KLF16: variants seen among roughly 807,000 people sequenced by gnomAD.
KLF16 encodes Krueppel-like factor 16.
Under a neutral mutation model 6.1 loss-of-function variants are expected in KLF16, and 6 were observed. The ratio of observed to expected loss-of-function variants is 0.98; its 90% CI spans 0.54 to 1.93. The LOEUF is 1.93. Ranked by LOEUF, KLF16 falls within the 30% of genes most tolerant of loss-of-function variation. The pLI is 0.01. For missense variants in KLF16, 355 were observed against 363.8 expected (o/e 0.98, Z 0.20); for synonymous variants, 211 against 176.5 (o/e 1.20, Z -1.55).
chr19:1,867,678 C>T (rs1396715574), upstream of KLF16, among the ~76,000 whole-genome samples: 4 of 151,912 alleles, frequency 2.6e-5, no homozygotes, highest in African/African-American at 7.3e-5. Flanking sequence ...ACAGCCTGGT[C>T]GACATGATGA....
At chr19:1,856,380 T>C (rs1020133238) in intron 1 of KLF16, among the ~76,000 whole-genome samples, 2 of 151,920 alleles carry the variant, frequency 1.3e-5, no homozygotes, top group Admixed American at 1.3e-4. Flanking sequence ...TCATCCTTCC[T>C]CCCTGCCACA....
At chr19:1,859,175 A>C (rs765838082) in intron 1 of KLF16, among the ~76,000 whole-genome samples, 15 of 151,556 alleles carry the variant, frequency 9.9e-5, no homozygotes, top group Non-Finnish European at 1.8e-4. Flanking sequence ...TGCCATCCCA[A>C]CCCTACAGGA....
the KLF16 span, among the ~76,000 whole-genome samples, chr19:1,870,177 G>A: frequency 3.3e-5 from 5 of 151,454 alleles, no homozygotes; most frequent in East Asian, 2.0e-4. Flanking sequence ...TGATCTGCCC[G>A]CCTCGGCCTC....
In KLF16 at chr19:1,854,776, G is replaced by A; in HGVS notation, c.458-16C>T. The A allele has an allele frequency of 1.9e-6, 3 of 1,597,020 alleles. No individual in the cohort carries two copies. The highest frequency in any genetic ancestry group is 2.5e-6 in the Non-Finnish European group (3 of 1,179,142). On this transcript the variant is annotated splice_polypyrimidine_tract_variant and intron_variant, in intron 1 of 1. Coordinates refer to ENST00000250916, the MANE Select transcript of KLF16 (RefSeq NM_031918.4). ...GGGCGTTCCCCTGGACGGAGAGACA[G>A]AGACAGACAGCGGGTCAGCGGGGGC...
At chr19:1,856,764 C>T (rs2011957992) in intron 1 of KLF16, among the ~76,000 whole-genome samples, 1 of 152,352 alleles carries the variant, frequency 6.6e-6, no homozygotes, top group Non-Finnish European at 1.5e-5. Context: ...GGCTCGCGCC[C>T]CTCCAGGGAA....
At chr19:1,871,808 G>A in the KLF16 span, among the ~76,000 whole-genome samples, 1 of 152,052 alleles carries the variant, frequency 6.6e-6, no homozygotes, top group Non-Finnish European at 1.5e-5. Flanking sequence ...GCCCCTGCGT[G>A]GGGTCCTGCA....
Position 1,863,408 on chromosome 19 carries a change from G to C in KLF16, c.90C>G (p.Pro30=), listed in dbSNP as rs1379970751. The change falls in exon 1 of 2, where the codon CCC becomes CCG. Residue 30 remains proline, a synonymous_variant. Coordinates refer to ENST00000250916, the MANE Select transcript of KLF16 (RefSeq NM_031918.4). ...CGGCGGGGCCCGCGCCCTCGGGGCCGGGCCGCCCGCGGTGCACCACGGCGC... is the reference window on the plus strand; with the variant it reads ...CGGCGGGGCCCGCGCCCTCGGGGCCCGGCCGCCCGCGGTGCACCACGGCGC... The part of the protein sequence containing the change: ...SSGAVVHRGR[P]GPEGAGPAAG... 2.0e-6 allele frequency: 2 copies of C among 995,200 alleles called. No homozygotes were observed. Among genetic ancestry groups the C allele is most frequent in the Non-Finnish European group, 2.4e-6 (2 of 838,296 alleles). The allele number at this position is 995,200 out of a possible 1,614,324, so 61.6% of individuals were successfully genotyped here.
chr19:1,854,914 G>A lies in KLF16; in HGVS notation c.458-154C>T, dbSNP rs115945197. Reference sequence around the variant, plus strand: ...AGTTCAAAACATGGAGAAGCACAAAGAATACAACCCTTACCCGCCCCCCGG... The same window carrying A: ...AGTTCAAAACATGGAGAAGCACAAAAAATACAACCCTTACCCGCCCCCCGG... On this transcript the variant is annotated intron_variant, in intron 1 of 1. Transcript: ENST00000250916. Among the ~76,000 whole-genome samples, 1,223 of 151,998 alleles carry A rather than the reference G, an allele frequency of 8.0e-3. 16 individuals carry two copies. The highest frequency in any genetic ancestry group is 0.027 in the African/African-American group (1,132 of 41,308).
Position 1,863,167 on chromosome 19 carries a change from A to T in KLF16, c.331T>A (p.Ser111Thr). The T allele has an allele frequency of 7.9e-7, 1 of 1,268,542 alleles. No homozygotes were observed. The highest frequency in any genetic ancestry group is 2.0e-5 in the South Asian group (1 of 50,198). The allele number at this position is 1,268,542 out of a possible 1,614,324, so 78.6% of individuals were successfully genotyped here. ...ASSSSAASSP[S>T]SGRAPGAAPS... ...GCGGCGCCGGGGGCGCGGCCCGAGG[A>T]CGGGGACGAGGCGGCTGAGGAGGAG... is the stretch of plus-strand genomic sequence containing the variant. Residue 111 changes from serine (S) to threonine (T), a missense_variant, in exon 1 of 2, where the codon TCC becomes ACC. Coordinates refer to ENST00000250916, the MANE Select transcript of KLF16 (RefSeq NM_031918.4).
At chr19:1,861,962 A>G (rs1360098381) in intron 1 of KLF16, 1 of 152,226 alleles carries the variant, frequency 6.6e-6, no homozygotes, top group Non-Finnish European at 1.5e-5. Flanking sequence ...GGCCACCGCT[A>G]TGGCTATGAA....
chr19:1,870,972 G>A, the KLF16 span, among the ~76,000 whole-genome samples: 6 of 152,180 alleles, frequency 3.9e-5, no homozygotes, highest in Admixed American at 2.6e-4. Flanking sequence ...CTCCGGCCTG[G>A]GCCACAGAGT....
chr19:1,873,005 T>C, the KLF16 span, among the ~76,000 whole-genome samples: 18 of 151,952 alleles, frequency 1.2e-4, no homozygotes, highest in African/African-American at 3.9e-4. Flanking sequence ...GTGCCTGCCA[T>C]AGGGGAGGAA....
chr19:1,858,590 G>A (rs958625310), intron 1 of KLF16, among the ~76,000 whole-genome samples: 3 of 152,156 alleles, frequency 2.0e-5, no homozygotes, highest in African/African-American at 7.2e-5. Flanking sequence ...GAGAATGCAG[G>A]CCTAGGGGAT....
chr19:1,868,772 A>G, the KLF16 span, among the ~76,000 whole-genome samples: 1 of 151,668 alleles, frequency 6.6e-6, no homozygotes, highest in Non-Finnish European at 1.5e-5. Flanking sequence ...CTTCCCGAGT[A>G]GCCGCGATTA....
Position 1,854,394 on chromosome 19 carries a change from G to A in KLF16, c.*65C>T, listed in dbSNP as rs989141674. 3.7e-6 allele frequency: 5 copies of A among 1,363,774 alleles called. No homozygotes were observed. The highest frequency in any genetic ancestry group is 3.9e-5 in the Admixed American group (1 of 25,356). The allele number at this position is 1,363,774 out of a possible 1,614,324, so 84.5% of individuals were successfully genotyped here. A position where few individuals can be genotyped will look rare whatever the true frequency, so the allele number is the denominator to read the frequency against. ...GCTGGAAGGGGCCCAGGCTCCCCGTGGGTCCTCACTACACCCCTGGATGGC... is the reference window on the plus strand; with the variant it reads ...GCTGGAAGGGGCCCAGGCTCCCCGTAGGTCCTCACTACACCCCTGGATGGC... On this transcript the variant is annotated 3_prime_UTR_variant, in exon 2 of 2. Coordinates refer to ENST00000250916, the MANE Select transcript of KLF16 (RefSeq NM_031918.4).
intron 1 of KLF16, among the ~76,000 whole-genome samples, chr19:1,862,460 G>A (rs2012085275): frequency 6.6e-6 from 1 of 151,784 alleles, no homozygotes; most frequent in East Asian, 1.9e-4. Context: ...CCCAACCCGC[G>A]CTCCTAGCCT....
upstream of KLF16, among the ~76,000 whole-genome samples, chr19:1,868,228 G>A (rs1336356182): frequency 6.6e-6 from 1 of 152,102 alleles, no homozygotes. Flanking sequence ...GCTGGACTGA[G>A]GGACTCGCTG....
At chr19:1,856,950 C>G (rs866907254) in intron 1 of KLF16, among the ~76,000 whole-genome samples, 42 of 43,226 alleles carry the variant, frequency 9.7e-4, no homozygotes, top group Non-Finnish European at 1.3e-3. Context: ...AGCAGGTTGC[C>G]GGGGTGGGGG....
In KLF16 at chr19:1,854,660, G is replaced by A; in HGVS notation, c.558C>T (p.Arg186=). Residue 186 remains arginine (R), a synonymous_variant, in exon 2 of 2, where the codon CGC becomes CGT. Transcript: ENST00000250916. ...RHHRTHTGEK[R]FSCPLCSKRF... Reference sequence around the variant, plus strand: ...GCTTGGAGCACAGAGGGCAGGAGAAGCGCTTCTCGCCCGTGTGCGTCCGGT... The same window carrying A: ...GCTTGGAGCACAGAGGGCAGGAGAAACGCTTCTCGCCCGTGTGCGTCCGGT... 2 of 1,600,178 alleles carry A rather than the reference G, an allele frequency of 1.2e-6. No individual in the cohort carries two copies. The highest frequency in any genetic ancestry group is 2.2e-5 in the South Asian group (2 of 91,034).
Sources: gnomAD v4.1 joint callset for allele counts (sites outside exome capture counted in the v4.1 genomes callset) on GRCh38, gnomAD v4.1.1 for gene constraint, MANE v1.5 for transcripts, NCBI Gene and HGNC (gene_info 2026-07-23, HGNC 2026-07-21) for gene names.